Variants in PLCL1 observed in about 807,000 individuals in gnomAD.
The protein encoded by PLCL1 is inactive phospholipase C-like protein 1.
PLCL1 carries 41 observed loss-of-function variants against 84.4 expected under a neutral mutation model. The ratio of observed to expected loss-of-function variants is 0.49; its 90% CI spans 0.38 to 0.63. The LOEUF (loss-of-function observed/expected upper bound fraction) is 0.63. Among genes scored for constraint, PLCL1 ranks in the 30% least tolerant of loss-of-function variants. The pLI, the probability that PLCL1 is intolerant of heterozygous loss-of-function variation, is 0.00. For synonymous variants in PLCL1, 490 were observed against 488.3 expected (o/e 1.00, Z -0.05); for missense variants, 1,206 against 1,367.8 (o/e 0.88, Z 1.87).
intron 3 of PLCL1, among the ~76,000 whole-genome samples, chr2:198,089,550 T>C (rs1692968391): frequency 6.6e-6 from 1 of 152,058 alleles, no homozygotes. Context: ...CCATCAGGAG[T>C]GATGAAAAGA....
chr2:198,026,703 C>G (rs541177018), intron 1 of PLCL1, among the ~76,000 whole-genome samples: 2 of 152,070 alleles, frequency 1.3e-5, no homozygotes, highest in South Asian at 4.1e-4. Context: ...CTGAATAGAC[C>G]TTTCTCAAAA....
chr2:197,937,150 T>C (rs997225736), intron 1 of PLCL1, among the ~76,000 whole-genome samples: 1 of 152,214 alleles, frequency 6.6e-6, no homozygotes, highest in African/African-American at 2.4e-5. Flanking sequence ...TGTATGCTAC[T>C]TTATGCCAGT....
intron 1 of PLCL1, among the ~76,000 whole-genome samples, chr2:197,903,649 ATTTTTTTTTTTTTT>A (rs11295926): frequency 5.5e-5 from 4 of 72,436 alleles, no homozygotes; most frequent in South Asian, 1.4e-3. Flanking sequence ...ACGCCCAGCT[ATTTTTTTTTTTTTT>A]TTTTTTTTTT....
At position 197,931,064 on chromosome 2, in the gene PLCL1, G is replaced by C. The variant is rs570600296; in HGVS notation, c.240+125725G>C. On this transcript the variant is annotated intron_variant, in intron 1 of 5. Transcript: ENST00000428675. Reference sequence around the variant, plus strand: ...CAGGTAAGTGAAGGGTTTGGGCTAAGTCACATTATATGCTCACCCTCTTAA... The same window carrying C: ...CAGGTAAGTGAAGGGTTTGGGCTAACTCACATTATATGCTCACCCTCTTAA... Among the ~76,000 whole-genome samples, 94 of 152,258 alleles carry C rather than the reference G, an allele frequency of 6.2e-4. 1 individual carries two copies. The highest frequency in any genetic ancestry group is 3.4e-3 in the Middle Eastern group (1 of 294).
chr2:197,995,842 C>A (rs898617787), intron 1 of PLCL1, among the ~76,000 whole-genome samples: 7 of 152,152 alleles, frequency 4.6e-5, no homozygotes, highest in African/African-American at 1.4e-4. Context: ...ATCCTAGATG[C>A]AATAACTCCT....
intron 1 of PLCL1, among the ~76,000 whole-genome samples, chr2:197,858,493 T>G (rs1356985216): frequency 6.6e-6 from 1 of 152,148 alleles, no homozygotes; most frequent in Non-Finnish European, 1.5e-5. Flanking sequence ...TGGATATTTT[T>G]GGGTTTATAA....
At chr2:198,094,538 CG>C (rs1693143476) in intron 3 of PLCL1, among the ~76,000 whole-genome samples, 1 of 152,122 alleles carries the variant, frequency 6.6e-6, no homozygotes, top group African/African-American at 2.4e-5. Flanking sequence ...TTAAAGTATA[CG>C]TTTTCTGTCT....
Position 198,086,244 on chromosome 2 carries a change from ACT to A in PLCL1, c.2715+14_2715+15del. Reference sequence around the variant, plus strand: ...GAGAAAATATGCAGGTAGGAGAAACACTCACACTCTCCTTCCCTATCCCTGCT... The same window carrying A: ...GAGAAAATATGCAGGTAGGAGAAACACACACTCTCCTTCCCTATCCCTGCT... On this transcript the variant is annotated intron_variant, in intron 2 of 5. Transcript: ENST00000428675. The A allele has an allele frequency of 6.5e-7, 1 of 1,533,780 alleles. No homozygotes were observed. Among genetic ancestry groups the A allele is most frequent in the African/African-American group, 1.4e-5 (1 of 73,236 alleles).
intron 5 of PLCL1, among the ~76,000 whole-genome samples, chr2:198,115,660 A>G (rs1693726767): frequency 6.6e-6 from 1 of 151,890 alleles, no homozygotes; most frequent in African/African-American, 2.4e-5. Context: ...TAGCCTCACA[A>G]TCATGGCAGA....
At chr2:198,076,331 A>G (rs183046258) in intron 1 of PLCL1, among the ~76,000 whole-genome samples, 1 of 152,316 alleles carries the variant, frequency 6.6e-6, no homozygotes, top group African/African-American at 2.4e-5. Flanking sequence ...CAGCGTATAT[A>G]TCAGTGTGGG....
chr2:197,919,135 A>T (rs947844518), intron 1 of PLCL1, among the ~76,000 whole-genome samples: 2 of 152,222 alleles, frequency 1.3e-5, no homozygotes, highest in African/African-American at 4.8e-5. Flanking sequence ...ATAGATCAAA[A>T]ATATTGAAAT....
At chr2:198,017,406 C>A (rs1691023955) in intron 1 of PLCL1, among the ~76,000 whole-genome samples, 1 of 152,208 alleles carries the variant, frequency 6.6e-6, no homozygotes, top group Admixed American at 6.5e-5. Context: ...CCAGTTAAAT[C>A]TGCAGAGGTT....
At chr2:198,129,958 G>A (rs1004721456) in intron 5 of PLCL1, among the ~76,000 whole-genome samples, 3 of 151,878 alleles carry the variant, frequency 2.0e-5, no homozygotes, top group Non-Finnish European at 4.4e-5. Context: ...TTGACTAGTT[G>A]GGAACATTCT....
chr2:197,919,859 A>G (rs1382001689), intron 1 of PLCL1, among the ~76,000 whole-genome samples: 2 of 152,204 alleles, frequency 1.3e-5, no homozygotes, highest in Non-Finnish European at 1.5e-5. Context: ...AAATAAACTC[A>G]TTGTATTAAG....
chr2:198,057,058 A>G (rs751049975), intron 1 of PLCL1, among the ~76,000 whole-genome samples: 2 of 152,150 alleles, frequency 1.3e-5, no homozygotes, highest in Middle Eastern at 3.2e-3. Context: ...TTTGCATTTC[A>G]TTATATTTTT....
At chr2:198,058,194 C>T (rs1012812921) in intron 1 of PLCL1, among the ~76,000 whole-genome samples, 2 of 151,914 alleles carry the variant, frequency 1.3e-5, no homozygotes, top group African/African-American at 2.4e-5. Flanking sequence ...ATAGTGATAC[C>T]TCTGCATTTT....
At chr2:197,901,643 A>AG (rs1688270656) in intron 1 of PLCL1, among the ~76,000 whole-genome samples, 1 of 152,214 alleles carries the variant, frequency 6.6e-6, no homozygotes, top group Admixed American at 6.5e-5. Context: ...AGAGAGAGGA[A>AG]GCAGAGACCG....
chr2:197,895,621 G>A (rs1688120154), intron 1 of PLCL1, among the ~76,000 whole-genome samples: 1 of 151,938 alleles, frequency 6.6e-6, no homozygotes, highest in African/African-American at 2.4e-5. Flanking sequence ...TAAATAGTGT[G>A]CTCTGGAAAC....
At chr2:198,015,911 C>T (rs1055567961) in intron 1 of PLCL1, among the ~76,000 whole-genome samples, 1 of 152,066 alleles carries the variant, frequency 6.6e-6, no homozygotes, top group East Asian at 1.9e-4. Flanking sequence ...ATATATATGA[C>T]TATCTTGCTG....
Sources: gnomAD v4.1 joint callset for allele counts (sites outside exome capture counted in the v4.1 genomes callset) on GRCh38, gnomAD v4.1.1 for gene constraint, MANE v1.5 for transcripts, NCBI Gene and HGNC (gene_info 2026-07-23, HGNC 2026-07-21) for gene names.